THAP4: variants seen among roughly 807,000 people sequenced by gnomAD.
THAP4 encodes THAP domain containing 4, also known as peroxynitrite isomerase THAP4.
A neutral mutation model predicts 48.1 loss-of-function variants in THAP4; 18 were observed. The observed-to-expected ratio is 0.37, with a 90% CI of 0.26 to 0.56. The LOEUF (loss-of-function observed/expected upper bound fraction) is 0.56, where lower values mean the gene tolerates loss of function less well. Ranked by LOEUF, THAP4 falls within the 20% of genes least tolerant of loss-of-function variation. THAP4 has a pLI of 0.78. For synonymous variants in THAP4, 345 were observed against 324.9 expected, an observed-to-expected ratio of 1.06 and a Z score of -0.66; for missense variants, 656 against 774.9, an observed-to-expected ratio of 0.85 and a Z score of 1.82.
At chr2:241,604,563 AATTTTTGT>A (rs2067155954) in intron 3 of THAP4, among the ~76,000 whole-genome samples, 1 of 151,594 alleles carries the variant, frequency 6.6e-6, no homozygotes, top group Non-Finnish European at 1.5e-5. Context: ...ACACCCGGCT[AATTTTTGT>A]ATTTTTGTAT....
intron 5 of THAP4, among the ~76,000 whole-genome samples, chr2:241,587,534 C>T (rs112936142): frequency 0.011 from 1,710 of 152,240 alleles, 32 homozygotes; most frequent in African/African-American, 0.039. Context: ...ATGCTACATT[C>T]GTTAAGTGTA....
In THAP4 at chr2:241,616,569, A is replaced by T. The variant is rs2067350991; in HGVS notation, c.1241-10096T>A. On this transcript the variant is annotated intron_variant, in intron 2 of 5. Transcript: ENST00000407315. The surrounding 1 kb of genome is among the most constrained non-coding windows in gnomAD (Gnocchi z 4.6). ...GGGCCCTGGAGAGAAGCTACCCTGC[A>T]GGCGGCTGCTGCTTCAGGGGCACAG... Among the ~76,000 whole-genome samples, 1 of 152,194 alleles carries T rather than the reference A, an allele frequency of 6.6e-6. No individual in the cohort carries two copies. Among genetic ancestry groups the T allele is most frequent in the Non-Finnish European group, 1.5e-5 (1 of 68,026 alleles).
intron 5 of THAP4, among the ~76,000 whole-genome samples, chr2:241,600,760 A>C (rs1004521767): frequency 6.6e-6 from 1 of 151,234 alleles, no homozygotes; most frequent in Non-Finnish European, 1.5e-5. Flanking sequence ...AAAATGAGAG[A>C]ATATTTTTAT....
chr2:241,611,022 C>T (rs1379221196), intron 2 of THAP4, among the ~76,000 whole-genome samples: 1 of 152,108 alleles, frequency 6.6e-6, no homozygotes, highest in Non-Finnish European at 1.5e-5. Context: ...ACAAAAATAA[C>T]GAAAAAACCT....
chr2:241,635,171 G>C (rs2067619723), intron 1 of THAP4, among the ~76,000 whole-genome samples: 2 of 152,216 alleles, frequency 1.3e-5, no homozygotes, highest in Non-Finnish European at 2.9e-5. Flanking sequence ...TGTGATCCCA[G>C]CTACTCTGGA....
intron 5 of THAP4, among the ~76,000 whole-genome samples, chr2:241,600,523 C>T (rs903486760): frequency 6.6e-6 from 1 of 151,638 alleles, no homozygotes; most frequent in Non-Finnish European, 1.5e-5. Flanking sequence ...GTCAGGAGAT[C>T]GAGACCATCC....
chr2:241,613,647 C>G (rs1022828000), intron 2 of THAP4, among the ~76,000 whole-genome samples: 2 of 152,010 alleles, frequency 1.3e-5, no homozygotes, highest in African/African-American at 4.8e-5. Flanking sequence ...CCCAGCTACT[C>G]AGGAGGCTGA....
rs564523326 is a variant in THAP4, at chr2:241,616,604, C to G, written c.1241-10131G>C. 6.6e-6 allele frequency among the ~76,000 whole-genome samples: 1 copy of G among 152,300 alleles called. No individual in the cohort carries two copies. Among genetic ancestry groups the G allele is most frequent in the African/African-American group, 2.4e-5 (1 of 41,562 alleles). On this transcript the variant is annotated intron_variant, in intron 2 of 5. Coordinates refer to ENST00000407315, the MANE Select transcript of THAP4 (RefSeq NM_015963.6). The surrounding 1 kb of genome is among the most constrained non-coding windows in gnomAD (Gnocchi z 4.6). ...TGCTTCAGGGGCACAGGGCCCACAC[C>G]ACACTTGGGGACAGGACAGGACGCA...
rs1256059306 is a variant in THAP4, at chr2:241,584,488, CTT to C, written c.*116_*117del. ...AGTACAGAAACATCTGGACAACACTCTTGAGCCTGCAGAGGCTCACGGCCACA... is the reference window on the plus strand; with the variant it reads ...AGTACAGAAACATCTGGACAACACTCGAGCCTGCAGAGGCTCACGGCCACA... On this transcript the variant is annotated 3_prime_UTR_variant, in exon 6 of 6. Transcript: ENST00000407315. 25 of 1,120,580 alleles carry C rather than the reference CTT, an allele frequency of 2.2e-5. 1 individual carries two copies. Among genetic ancestry groups the C allele is most frequent in the Admixed American group, 6.1e-5 (3 of 48,822 alleles). The allele number at this position is 1,120,580 out of a possible 1,614,324, so 69.4% of individuals were successfully genotyped here. A position where few individuals can be genotyped will look rare whatever the true frequency, so the allele number is the denominator to read the frequency against.
In THAP4 at chr2:241,610,062, A is replaced by C. The variant is rs1215366654; in HGVS notation, c.1241-3589T>G. On this transcript the variant is annotated intron_variant, in intron 2 of 5. Coordinates refer to ENST00000407315, the MANE Select transcript of THAP4 (RefSeq NM_015963.6). This position sits in a 1 kb window ranked among gnomAD's most constrained non-coding sequence, Gnocchi z 4.2. ...TCACGCCCGAGTCCCCGGCACGGCC[A>C]CCACCGGCCCCTGGGTCCCGAGGGC... Among the ~76,000 whole-genome samples, 1 of 152,134 alleles carries C rather than the reference A, an allele frequency of 6.6e-6. No individual in the cohort carries two copies. The highest frequency in any genetic ancestry group is 2.4e-5 in the African/African-American group (1 of 41,446).
In THAP4 at chr2:241,584,736, G is replaced by A; in HGVS notation, c.1615-11C>T. 2 of 1,614,210 alleles carry A rather than the reference G, an allele frequency of 1.2e-6. No individual in the cohort carries two copies. The highest frequency in any genetic ancestry group is 1.7e-6 in the Non-Finnish European group (2 of 1,180,018). Reference sequence around the variant, plus strand: ...GAACTTCCGGGTGATCTGAGCAGGAGAATGGAACAAAGATAGCTTAGTTTT... The same window carrying A: ...GAACTTCCGGGTGATCTGAGCAGGAAAATGGAACAAAGATAGCTTAGTTTT... On this transcript the variant is annotated splice_polypyrimidine_tract_variant and intron_variant, in intron 5 of 5. Coordinates refer to ENST00000407315, the MANE Select transcript of THAP4 (RefSeq NM_015963.6).
chr2:241,588,854 G>C (rs1014736071), intron 5 of THAP4, among the ~76,000 whole-genome samples: 1 of 152,100 alleles, frequency 6.6e-6, no homozygotes, highest in South Asian at 2.1e-4. Flanking sequence ...CCTGGGCTAG[G>C]TGAAAAATTT....
intron 2 of THAP4, among the ~76,000 whole-genome samples, chr2:241,619,966 GGGTGAGTGAGTC>G (rs1170498544): frequency 1.8e-5 from 2 of 110,456 alleles, no homozygotes; most frequent in Non-Finnish European, 3.7e-5. Context: ...GAGGGGTGAG[GGGTGAGTGAGTC>G]GGTGAGTGAG....
intron 3 of THAP4, among the ~76,000 whole-genome samples, chr2:241,605,389 T>C (rs574216008): frequency 6.6e-6 from 1 of 152,304 alleles, no homozygotes; most frequent in South Asian, 2.1e-4. Context: ...GAGGGTTTGC[T>C]TTTTATATTT....
rs532210138 is a variant in THAP4 at position 241,620,965 on chromosome 2, C to CA, written c.1240+11951dup. On this transcript the variant is annotated intron_variant, in intron 2 of 5. Transcript: ENST00000407315. The stretch of plus-strand genomic sequence containing the variant: ...AAAAATAACGAGACATGCTAAAAGG[C>CA]AAAAAAAAAAATCTGAAGAGAGAGA... 2.4e-3 allele frequency among the ~76,000 whole-genome samples: 340 copies of CA among 144,410 alleles called. 3 individuals are homozygous for CA. The South Asian group carries it at 0.032, about 14-fold the overall frequency. The allele number at this position is 144,410 out of a possible 152,430, so 94.7% of individuals were successfully genotyped here.
In THAP4 at chr2:241,608,715, G is replaced by A. The variant is rs139863294; in HGVS notation, c.1241-2242C>T. ...CCCTACGGAGCATACATCCTAGCGAGGGCAGACAATACACAAGAAATGAGT... is the reference window on the plus strand; with the variant it reads ...CCCTACGGAGCATACATCCTAGCGAAGGCAGACAATACACAAGAAATGAGT... On this transcript the variant is annotated intron_variant, in intron 2 of 5. Transcript: ENST00000407315. Among the ~76,000 whole-genome samples, 210 of 152,338 alleles carry A rather than the reference G, an allele frequency of 1.4e-3. 1 individual carries two copies. The highest frequency in any genetic ancestry group is 2.4e-3 in the Non-Finnish European group (162 of 68,038).
At chr2:241,637,498 G>C (rs1383454337), upstream of THAP4, 26 of 1,443,118 alleles carry the variant, frequency 1.8e-5, no homozygotes, top group African/African-American at 3.0e-5. Flanking sequence ...GTCGTCCCAC[G>C]ACACGACCCC....
rs1035887023 is a variant in THAP4 at position 241,606,324 on chromosome 2, G to A, written c.1390C>T (p.Leu464=). The change falls in exon 3 of 6, where the codon CTG becomes TTG. Residue 464 remains leucine (L), a synonymous_variant. Coordinates refer to ENST00000407315, the MANE Select transcript of THAP4 (RefSeq NM_015963.6). ...AGGGAGACAACTTACGAGAAGTTCA[G>A]CATGGGCTGGCCCACGTGGGAGATG... ...VHISHVGQPM[L]NFSFNSFHPD... The A allele has an allele frequency of 1.2e-5, 19 of 1,556,646 alleles. No individual in the cohort carries two copies. The highest frequency in any genetic ancestry group is 1.6e-5 in the Non-Finnish European group (18 of 1,149,438).
intron 5 of THAP4, among the ~76,000 whole-genome samples, chr2:241,594,061 C>T (rs1184900217): frequency 6.6e-6 from 1 of 152,180 alleles, no homozygotes; most frequent in Non-Finnish European, 1.5e-5. Context: ...CAAAATACAG[C>T]ACATCACCAA....
Sources: allele counts gnomAD v4.1 joint callset (sites outside exome capture counted in the v4.1 genomes callset), GRCh38; gene constraint gnomAD v4.1.1; non-coding constraint Gnocchi (gnomAD v3.1); transcripts MANE v1.5; gene names NCBI Gene and HGNC (gene_info 2026-07-23, HGNC 2026-07-21).